The following SLC39A8 variants were observed in gnomAD, a reference collection of about 807,000 sequenced individuals.
The protein encoded by SLC39A8 is metal cation symporter ZIP8.
A neutral mutation model predicts 40.4 loss-of-function variants in SLC39A8; 15 were observed. The observed-to-expected ratio is 0.37, with a 90% CI of 0.25 to 0.57. The LOEUF (loss-of-function observed/expected upper bound fraction) is 0.57, where lower values mean the gene tolerates loss of function less well. Ranked by LOEUF, SLC39A8 falls within the 20% of genes least tolerant of loss-of-function variation. The pLI, the probability that SLC39A8 is intolerant of heterozygous loss-of-function variation, is 0.75. For synonymous variants in SLC39A8, 223 were observed against 221.6 expected (o/e 1.01, Z -0.06); for missense variants, 472 against 558.8 (o/e 0.84, Z 1.57).
intron 8 of SLC39A8, among the ~76,000 whole-genome samples, chr4:102,263,987 T>A (rs1310860478): frequency 6.6e-6 from 1 of 152,222 alleles, no homozygotes; most frequent in Non-Finnish European, 1.5e-5. Flanking sequence ...CCTGAAGTCT[T>A]GAACACCTCA....
At chr4:102,311,421 C>T (rs1578602194) in intron 3 of SLC39A8, among the ~76,000 whole-genome samples, 1 of 152,160 alleles carries the variant, frequency 6.6e-6, no homozygotes, top group Non-Finnish European at 1.5e-5. Context: ...AACTAAGAAT[C>T]AGGAGCTCTC....
At chr4:102,335,055 C>G (rs1450570976) in intron 2 of SLC39A8, among the ~76,000 whole-genome samples, 1 of 152,208 alleles carries the variant, frequency 6.6e-6, no homozygotes, top group African/African-American at 2.4e-5. Context: ...AAACAGCGTT[C>G]ATCCCAAGAC....
At chr4:102,277,799 T>C (rs184619885) in intron 6 of SLC39A8, among the ~76,000 whole-genome samples, 27 of 152,184 alleles carry the variant, frequency 1.8e-4, no homozygotes, top group Admixed American at 8.5e-4. Context: ...TATAGACCAA[T>C]AGAATAGAAC....
intron 6 of SLC39A8, among the ~76,000 whole-genome samples, chr4:102,290,478 A>G (rs1733377431): frequency 6.6e-6 from 1 of 152,156 alleles, no homozygotes; most frequent in Non-Finnish European, 1.5e-5. Context: ...CTGGAACTTC[A>G]TACAAAGAAG....
chr4:102,277,250 A>G (rs1312215648), intron 6 of SLC39A8, among the ~76,000 whole-genome samples: 1 of 152,230 alleles, frequency 6.6e-6, no homozygotes. Context: ...CCATCATCTC[A>G]GCCCCAAAAC....
chr4:102,286,315 A>G (rs2149019954), intron 6 of SLC39A8, among the ~76,000 whole-genome samples: 1 of 152,242 alleles, frequency 6.6e-6, no homozygotes, highest in South Asian at 2.1e-4. Context: ...AACTTTTTTT[A>G]TCAATCAGCA....
chr4:102,284,687 A>G (rs947141514), intron 6 of SLC39A8, among the ~76,000 whole-genome samples: 1 of 152,186 alleles, frequency 6.6e-6, no homozygotes, highest in African/African-American at 2.4e-5. Context: ...TGATTCTGGG[A>G]TTTTGATCAA....
rs144737713 is a variant in SLC39A8 at position 102,304,248 on chromosome 4, C to T, written c.840+69G>A. Reference sequence around the variant, plus strand: ...AAATGTACAAAAACTGACTTAGCTGCATAAACAGTCATGTTTACACAGTAT... The same window carrying T: ...AAATGTACAAAAACTGACTTAGCTGTATAAACAGTCATGTTTACACAGTAT... On this transcript the variant is annotated intron_variant, in intron 6 of 8. Transcript: ENST00000356736. The T allele has an allele frequency of 5.8e-4, 704 of 1,207,600 alleles. 5 individuals are homozygous for T. In the African/African-American group the frequency reaches 9.8e-3, roughly 17 times the overall value. The allele number at this position is 1,207,600 out of a possible 1,614,324, so 74.8% of individuals were successfully genotyped here.
At chr4:102,333,406 T>C (rs1735549580) in intron 2 of SLC39A8, among the ~76,000 whole-genome samples, 2 of 152,132 alleles carry the variant, frequency 1.3e-5, no homozygotes, top group African/African-American at 4.8e-5. Flanking sequence ...AAAGAGGATG[T>C]TGGAGCTTCA....
At chr4:102,316,329 T>C (rs1212457828) in intron 2 of SLC39A8, among the ~76,000 whole-genome samples, 2 of 152,164 alleles carry the variant, frequency 1.3e-5, no homozygotes, top group African/African-American at 4.8e-5. Context: ...TAAATATAAA[T>C]ATAAAAAGTT....
intron 2 of SLC39A8, among the ~76,000 whole-genome samples, chr4:102,325,307 T>C (rs1163415739): frequency 2.0e-5 from 3 of 152,140 alleles, no homozygotes; most frequent in Non-Finnish European, 4.4e-5. Context: ...AAGATTAATT[T>C]TTCCATTTTT....
chr4:102,340,387 G>A (rs1735890918), intron 2 of SLC39A8, among the ~76,000 whole-genome samples: 2 of 152,056 alleles, frequency 1.3e-5, no homozygotes, highest in African/African-American at 4.8e-5. Context: ...AAGAAATACA[G>A]GATTGCATTG....
At chr4:102,253,589 C>T (rs1269448613) in intron 11 of SLC39A8, among the ~76,000 whole-genome samples, 1 of 151,998 alleles carries the variant, frequency 6.6e-6, no homozygotes, top group South Asian at 2.1e-4. Context: ...AATTGGAAAG[C>T]ATTAAAAATA....
At chr4:102,286,135 T>C (rs1216570839) in intron 6 of SLC39A8, among the ~76,000 whole-genome samples, 1 of 152,188 alleles carries the variant, frequency 6.6e-6, no homozygotes, top group African/African-American at 2.4e-5. Flanking sequence ...TGTTAAAGAC[T>C]GACCAGCAAT....
At chr4:102,282,326 G>C (rs1305403124) in intron 6 of SLC39A8, among the ~76,000 whole-genome samples, 1 of 152,150 alleles carries the variant, frequency 6.6e-6, no homozygotes. Flanking sequence ...ACAAATCATT[G>C]TCCCATGAAG....
rs533537219 is a variant in SLC39A8, at chr4:102,288,628, G to A, written c.840+15689C>T. 1.1e-4 allele frequency among the ~76,000 whole-genome samples: 16 copies of A among 152,216 alleles called. No homozygotes were observed. The East Asian group carries it at 3.1e-3, about 29-fold the overall frequency. ...TGAATGCAAAGGAGAACTTCTTGAA[G>A]GAAATTAAAAGTGCTACTCCAATGA... On this transcript the variant is annotated intron_variant, in intron 6 of 8. Coordinates refer to ENST00000356736, the MANE Select transcript of SLC39A8 (RefSeq NM_001135146.2).
chr4:102,257,524 G>C (rs1731734989), downstream of SLC39A8, among the ~76,000 whole-genome samples: 1 of 152,126 alleles, frequency 6.6e-6, no homozygotes, highest in Admixed American at 6.5e-5. Context: ...GGATAGTCAA[G>C]GAAATTGATA....
chr4:102,267,090 TTACTC>T (rs1429353527), intron 8 of SLC39A8, among the ~76,000 whole-genome samples: 11 of 152,188 alleles, frequency 7.2e-5, no homozygotes, highest in Non-Finnish European at 1.0e-4. Context: ...AAAATGCTAT[TTACTC>T]TAATAAGTTA....
intron 2 of SLC39A8, among the ~76,000 whole-genome samples, chr4:102,341,705 T>C (rs1166418976): frequency 3.3e-5 from 5 of 152,244 alleles, no homozygotes; most frequent in Non-Finnish European, 7.3e-5. Flanking sequence ...ACCTCTTTGA[T>C]ATCCCAAAGC....
Sources: gnomAD v4.1 joint callset for allele counts (sites outside exome capture counted in the v4.1 genomes callset) on GRCh38, gnomAD v4.1.1 for gene constraint, MANE v1.5 for transcripts, NCBI Gene and HGNC (gene_info 2026-07-23, HGNC 2026-07-21) for gene names.